Variants in CELF3 observed in about 807,000 individuals in gnomAD.
The protein encoded by CELF3 is CAG repeat domain.
Under a neutral mutation model 59.6 loss-of-function variants are expected in CELF3, and 26 were observed. The ratio of observed to expected loss-of-function variants is 0.44; its 90% CI spans 0.32 to 0.61. The LOEUF is 0.61. CELF3 is among the 20% of genes least tolerant of loss of function. The pLI, the probability that CELF3 is intolerant of heterozygous loss-of-function variation, is 0.06. For missense variants in CELF3, 387 were observed against 627.2 expected, an observed-to-expected ratio of 0.62 and a Z score of 4.09; for synonymous variants, 245 against 250.7, an observed-to-expected ratio of 0.98 and a Z score of 0.22.
Position 151,707,297 on chromosome 1 carries a change from G to T in CELF3, c.773-3C>A. 4.5e-6 allele frequency: 7 copies of T among 1,569,378 alleles called. No individual in the cohort carries two copies. Among genetic ancestry groups the T allele is most frequent in the East Asian group, 2.3e-5 (1 of 42,756 alleles). On this transcript the variant is annotated splice_region_variant and splice_polypyrimidine_tract_variant and intron_variant, in intron 7 of 12. Transcript: ENST00000290583. ...GATGGCAGGAGGGGTGCTGGTTCCT[G>T]GGGAGGAGAAAGCGACAGGGAGAGA...
rs1367527586 is a variant in CELF3, at chr1:151,706,237, C to CTGCTGCTGT, written c.1104_1112dup (p.Gln371_Gln373dup). Reference sequence around the variant, plus strand: ...CCCAGCCAGCACCTTCTCTTTGCTGCTGCTGCTGTTGCTGCTGCTGCTGCT... The same window carrying CTGCTGCTGT: ...CCCAGCCAGCACCTTCTCTTTGCTGCTGCTGCTGTTGCTGCTGTTGCTGCTGCTGCTGCT... On this transcript the variant is annotated inframe_insertion, in exon 10 of 13. Coordinates refer to ENST00000290583, the MANE Select transcript of CELF3 (RefSeq NM_007185.7). 2 of 1,605,234 alleles carry CTGCTGCTGT rather than the reference C, an allele frequency of 1.2e-6. No individual in the cohort carries two copies. The highest frequency in any genetic ancestry group is 1.7e-6 in the Non-Finnish European group (2 of 1,176,896).
intron 1 of CELF3, among the ~76,000 whole-genome samples, 190 bp from the exon 2 acceptor site, chr1:151,714,866 C>T (rs1174975272): frequency 6.6e-6 from 1 of 152,032 alleles, no homozygotes; most frequent in Non-Finnish European, 1.5e-5. Context: ...ACCTGGAGGC[C>T]TAAATACTGG....
intron 10 of CELF3, 125 bp from the exon 11 acceptor site, chr1:151,706,090 C>G: frequency 1.9e-6 from 3 of 1,590,676 alleles, no homozygotes; most frequent in Non-Finnish European, 2.6e-6. Flanking sequence ...CAGTGTGGGC[C>G]AAGTCTCCGG....
Position 151,709,417 on chromosome 1 carries a change from C to A in CELF3, c.278-69G>T, listed in dbSNP as rs1179217540. The stretch of plus-strand genomic sequence containing the variant: ...GGCTGCCTTCCCAGCCCTTCTTCCG[C>A]CCTTCCCTGGAGCTCCTAACACTAC... On this transcript the variant is annotated intron_variant, in intron 3 of 12. Coordinates refer to ENST00000290583, the MANE Select transcript of CELF3 (RefSeq NM_007185.7). This position sits in a 1 kb window ranked among gnomAD's most constrained non-coding sequence, Gnocchi z 4.9. 1.4e-5 allele frequency: 22 copies of A among 1,604,568 alleles called. No individual in the cohort carries two copies. Among genetic ancestry groups the A allele is most frequent in the African/African-American group, 2.7e-5 (2 of 74,742 alleles).
Position 151,709,510 on chromosome 1 carries a change from G to C in CELF3, c.278-162C>G, listed in dbSNP as rs889832371. On this transcript the variant is annotated intron_variant, in intron 3 of 12. Transcript: ENST00000290583. The surrounding 1 kb of genome is among the most constrained non-coding windows in gnomAD (Gnocchi z 4.9). ...TGGGGAATGGGGTATAGTTGCAGAGGGTGCTCATCCCAGCTCTGAGGGACT... is the reference window on the plus strand; with the variant it reads ...TGGGGAATGGGGTATAGTTGCAGAGCGTGCTCATCCCAGCTCTGAGGGACT... The C allele has an allele frequency of 6.4e-6, 7 of 1,098,138 alleles. No individual in the cohort carries two copies. The East Asian group carries it at 1.7e-4, about 26-fold the overall frequency. 68.0% of individuals were successfully genotyped at this position (1,098,138 alleles called of 1,614,324 possible).
Position 151,709,637 on chromosome 1 carries a change from A to G in CELF3, c.277+106T>C, listed in dbSNP as rs1207950425. 1 of 1,216,476 alleles carries G rather than the reference A, an allele frequency of 8.2e-7. No individual in the cohort carries two copies. The highest frequency in any genetic ancestry group is 1.5e-5 in the African/African-American group (1 of 67,062). The allele number at this position is 1,216,476 out of a possible 1,614,324, so 75.4% of individuals were successfully genotyped here. A position where few individuals can be genotyped will look rare whatever the true frequency, so the allele number is the denominator to read the frequency against. On this transcript the variant is annotated intron_variant, in intron 3 of 12. Transcript: ENST00000290583. This position sits in a 1 kb window ranked among gnomAD's most constrained non-coding sequence, Gnocchi z 4.9. ...ATCTCACCGCAGCTGGGAACTCTTC[A>G]GAATCATCAGGCTTTCTCCCTCAAG...
chr1:151,700,478 A>G lies in CELF3; in HGVS notation c.*2981T>C, dbSNP rs1172189019. Among the ~76,000 whole-genome samples, 1 of 152,210 alleles carries G rather than the reference A, an allele frequency of 6.6e-6. No individual in the cohort carries two copies. The highest frequency in any genetic ancestry group is 2.4e-5 in the African/African-American group (1 of 41,462). On this transcript the variant is annotated 3_prime_UTR_variant, in exon 13 of 13. Coordinates refer to ENST00000290583, the MANE Select transcript of CELF3 (RefSeq NM_007185.7). The stretch of plus-strand genomic sequence containing the variant: ...GAACAATGAATAGTTCTATTTGGGT[A>G]TGTGTAGGAATGAAGTGGAAAGTAA...
Position 151,705,183 on chromosome 1 carries a change from G to A in CELF3, c.1271-15C>T. On this transcript the variant is annotated splice_polypyrimidine_tract_variant and intron_variant, in intron 11 of 12. Coordinates refer to ENST00000290583, the MANE Select transcript of CELF3 (RefSeq NM_007185.7). The surrounding 1 kb of genome is among the most constrained non-coding windows in gnomAD (Gnocchi z 5.1). ...ACTCACAAAGCCTGGGGTGAGAGGG[G>A]CATAAGGCCCGGCCCAGCCCCACCT... 1.9e-6 allele frequency: 3 copies of A among 1,608,162 alleles called. No individual in the cohort carries two copies. Among genetic ancestry groups the A allele is most frequent in the Non-Finnish European group, 2.6e-6 (3 of 1,175,880 alleles).
chr1:151,714,333 G>A, intron 2 of CELF3: 1 of 604,980 alleles, frequency 1.7e-6, no homozygotes, highest in Non-Finnish European at 2.9e-6. Flanking sequence ...TTGCCCCATG[G>A]GCAGCTTGGG....
intron 5 of CELF3, among the ~76,000 whole-genome samples, 176 bp downstream of exon 5, chr1:151,708,821 TG>T (rs1206554356): frequency 1.3e-5 from 2 of 148,468 alleles, no homozygotes; most frequent in African/African-American, 5.0e-5. Context: ...AGTGGGGAGG[TG>T]GGGAAGTGCC....
At chr1:151,712,916 CTCAT>C (rs1159682660) in intron 2 of CELF3, among the ~76,000 whole-genome samples, 2 of 151,394 alleles carry the variant, frequency 1.3e-5, no homozygotes, top group African/African-American at 2.5e-5. Flanking sequence ...TGCACACACA[CTCAT>C]GCATGCACAC....
chr1:151,708,109 G>A (rs1014677909), intron 5 of CELF3, 174 bp from the exon 6 acceptor site: 2 of 649,604 alleles, frequency 3.1e-6, no homozygotes, highest in African/African-American at 1.8e-5. Context: ...CTCTCCCTAT[G>A]CTAGGATGTG....
rs768149775 is a variant in CELF3 at position 151,715,910 on chromosome 1, A to G, written c.111T>C (p.Thr37=). Residue 37 remains threonine, a synonymous_variant, in exon 1 of 13, where the codon ACT becomes ACC. Coordinates refer to ENST00000290583, the MANE Select transcript of CELF3 (RefSeq NM_007185.7). ...FEQFGRIFEL[T]VIKDKYTGLH... Reference sequence around the variant, plus strand: ...GCCCGGTGTACTTGTCCTTGATGACAGTCAGCTCAAAGATCCGACCAAACT... The same window carrying G: ...GCCCGGTGTACTTGTCCTTGATGACGGTCAGCTCAAAGATCCGACCAAACT... 50 of 1,613,934 alleles carry G rather than the reference A, an allele frequency of 3.1e-5. No individual in the cohort carries two copies. The highest frequency in any genetic ancestry group is 4.0e-5 in the Non-Finnish European group (47 of 1,179,992).
intron 1 of CELF3, among the ~76,000 whole-genome samples, chr1:151,714,968 A>G (rs372627434): frequency 1.1e-4 from 16 of 152,050 alleles, no homozygotes; most frequent in African/African-American, 3.6e-4. Flanking sequence ...AAGTAAGAGT[A>G]GTGTGGCTTT....
chr1:151,709,817 G>A lies in CELF3; in HGVS notation c.229-26C>T. On this transcript the variant is annotated intron_variant, in intron 2 of 12. Transcript: ENST00000290583. This position sits in a 1 kb window ranked among gnomAD's most constrained non-coding sequence, Gnocchi z 4.9. ...CTGAAGGAGAGAAGAGAAGGCAGCT[G>A]CTGGGGACCTCCTCTGAACACCCAA... 1 of 1,612,976 alleles carries A rather than the reference G, an allele frequency of 6.2e-7. No homozygotes were observed. The highest frequency in any genetic ancestry group is 8.5e-7 in the Non-Finnish European group (1 of 1,178,928).
rs978759947 is a variant in CELF3, at chr1:151,700,748, A to G, written c.*2711T>C. Among the ~76,000 whole-genome samples, 23 of 152,240 alleles carry G rather than the reference A, an allele frequency of 1.5e-4. No homozygotes were observed. Among genetic ancestry groups the G allele is most frequent in the Non-Finnish European group, 5.9e-5 (4 of 68,040 alleles). ...GTGAAATCTTAAATGATTTAATACC[A>G]TTGAGTTTATGCGAAAGTACTAAAA... On this transcript the variant is annotated 3_prime_UTR_variant, in exon 13 of 13. Transcript: ENST00000290583.
rs2102763866 is a variant in CELF3, at chr1:151,702,237, A to G, written c.*1222T>C. Among the ~76,000 whole-genome samples, 1 of 152,308 alleles carries G rather than the reference A, an allele frequency of 6.6e-6. No individual in the cohort carries two copies. Among genetic ancestry groups the G allele is most frequent in the South Asian group, 2.1e-4 (1 of 4,828 alleles). Reference sequence around the variant, plus strand: ...TTAAGCCCCAAAGAAGGGCTGAAGGACAGGATCATGAAGCCATGAACAAGG... The same window carrying G: ...TTAAGCCCCAAAGAAGGGCTGAAGGGCAGGATCATGAAGCCATGAACAAGG... On this transcript the variant is annotated 3_prime_UTR_variant, in exon 13 of 13. Coordinates refer to ENST00000290583, the MANE Select transcript of CELF3 (RefSeq NM_007185.7).
intron 2 of CELF3, chr1:151,710,638 T>TTGGTGCC (rs778620210): frequency 2.2e-6 from 1 of 456,430 alleles, no homozygotes; most frequent in South Asian, 1.5e-5. Flanking sequence ...GAGCAAATCC[T>TTGGTGCC]TGGTGCCTGG....
intron 2 of CELF3, among the ~76,000 whole-genome samples, chr1:151,711,598 G>A (rs1673025552): frequency 6.6e-6 from 1 of 152,240 alleles, no homozygotes; most frequent in Non-Finnish European, 1.5e-5. Flanking sequence ...TGTGTGTGCG[G>A]GTGCGCATGC....
Sources: gnomAD v4.1 joint callset for allele counts (sites outside exome capture counted in the v4.1 genomes callset) on GRCh38, gnomAD v4.1.1 for gene constraint, Gnocchi (gnomAD v3.1) non-coding constraint, MANE v1.5 for transcripts, NCBI Gene and HGNC (gene_info 2026-07-23, HGNC 2026-07-21) for gene names.